The following IGF1R variants were observed in gnomAD, a reference collection of about 807,000 sequenced individuals.
The protein encoded by IGF1R is insulin-like growth factor 1 receptor.
Under a neutral mutation model 144.6 loss-of-function variants are expected in IGF1R, and 44 were observed. The observed-to-expected ratio is 0.30, with a 90% CI of 0.24 to 0.39. The LOEUF (loss-of-function observed/expected upper bound fraction) is 0.39. Among genes scored for constraint, IGF1R ranks in the 10% least tolerant of loss-of-function variants. The probability of loss-of-function intolerance (pLI) is 1.00; values close to 1 mark genes in which losing one functional copy is unlikely to be tolerated. For missense variants in IGF1R, 1,355 were observed against 1,833.7 expected, an observed-to-expected ratio of 0.74 and a Z score of 4.77; for synonymous variants, 795 against 722.8, an observed-to-expected ratio of 1.10 and a Z score of -1.60.
At chr15:98,745,430 G>A (rs1016074069) in intron 2 of IGF1R, among the ~76,000 whole-genome samples, 10 of 152,340 alleles carry the variant, frequency 6.6e-5, no homozygotes, top group South Asian at 6.2e-4. Flanking sequence ...ACAGAAAGCC[G>A]GTGGCCCAGT....
At chr15:98,897,048 CTTCT>C in intron 4 of IGF1R, 143 bp downstream of exon 4, 1 of 739,128 alleles carries the variant, frequency 1.4e-6, no homozygotes, top group East Asian at 2.7e-5. Context: ...CATGACGTCT[CTTCT>C]TTGAGTTTCC....
rs1555436616 is a variant in IGF1R, at chr15:98,728,014, T to TTTG, written c.640+19909_640+19910insGTT. 6.6e-4 allele frequency among the ~76,000 whole-genome samples: 99 copies of TTTG among 148,908 alleles called. 1 individual carries two copies. The highest frequency in any genetic ancestry group is 3.9e-3 in the Admixed American group (58 of 15,052). ...ACTCACTGAAGATGCATTGTTTTTTTTTTTTTTTTTTTTTTAAGCGAGCAG... is the reference window on the plus strand; with the variant it reads ...ACTCACTGAAGATGCATTGTTTTTTTTTGTTTTTTTTTTTTTTTAAGCGAGCAG... On this transcript the variant is annotated intron_variant, in intron 2 of 20. Transcript: ENST00000650285.
At chr15:98,936,059 C>T (rs1053665272) in intron 17 of IGF1R, among the ~76,000 whole-genome samples, 10 of 152,198 alleles carry the variant, frequency 6.6e-5, no homozygotes, top group Non-Finnish European at 7.3e-5. Flanking sequence ...AAGATGTGCA[C>T]TCATTCATAA....
intron 2 of IGF1R, among the ~76,000 whole-genome samples, chr15:98,832,280 G>C (rs2057015906): frequency 6.6e-6 from 1 of 152,178 alleles, no homozygotes; most frequent in Non-Finnish European, 1.5e-5. Context: ...GTTAAGAGGT[G>C]TCTTAAAACA....
At chr15:98,889,471 C>A (rs2013802495) in intron 2 of IGF1R, among the ~76,000 whole-genome samples, 1 of 152,198 alleles carries the variant, frequency 6.6e-6, no homozygotes, top group South Asian at 2.1e-4. Flanking sequence ...ATGAAGATTG[C>A]TTTGCCGATT....
rs112288135 is a variant in IGF1R, at chr15:98,870,886, C to G, written c.641-20439C>G. ...GATGGAGCAAGAGTGAAGGAATGTT[C>G]CCATGGCACTGGCACCAGGATGACT... On this transcript the variant is annotated intron_variant, in intron 2 of 20. Coordinates refer to ENST00000650285, the MANE Select transcript of IGF1R (RefSeq NM_000875.5). Among the ~76,000 whole-genome samples, 467 of 152,322 alleles carry G rather than the reference C, an allele frequency of 3.1e-3. 5 individuals are homozygous for G. The highest frequency in any genetic ancestry group is 0.011 in the African/African-American group (455 of 41,582).
chr15:98,653,396 T>A (rs2052415667), intron 1 of IGF1R, among the ~76,000 whole-genome samples: 1 of 152,248 alleles, frequency 6.6e-6, no homozygotes. Flanking sequence ...CATTTTTTGA[T>A]ATGCCACATT....
chr15:98,696,364 C>A (rs763748624), intron 1 of IGF1R, among the ~76,000 whole-genome samples: 2 of 152,186 alleles, frequency 1.3e-5, no homozygotes, highest in African/African-American at 4.8e-5. Flanking sequence ...CCACTAGAGA[C>A]CTTCCTTGGT....
chr15:98,956,972 T>G, intron 20 of IGF1R, 89 bp from the exon 21 acceptor site: 1 of 1,416,278 alleles, frequency 7.1e-7, no homozygotes, highest in Non-Finnish European at 9.9e-7. Context: ...TACGCTTGTA[T>G]GCGGGAAACC....
chr15:98,882,624 C>G (rs553373247), intron 2 of IGF1R, among the ~76,000 whole-genome samples: 19 of 152,242 alleles, frequency 1.2e-4, no homozygotes, highest in African/African-American at 4.6e-4. Context: ...GTCCTGCAAC[C>G]CAGTGTCACC....
chr15:98,853,412 A>AG (rs2011624405), intron 2 of IGF1R, among the ~76,000 whole-genome samples: 1 of 152,186 alleles, frequency 6.6e-6, no homozygotes, highest in Non-Finnish European at 1.5e-5. Flanking sequence ...CCAGTGTCTG[A>AG]GGCTTCTCTG....
At chr15:98,703,650 C>G (rs1359752743) in intron 1 of IGF1R, among the ~76,000 whole-genome samples, 1 of 152,190 alleles carries the variant, frequency 6.6e-6, no homozygotes, top group Non-Finnish European at 1.5e-5. Flanking sequence ...GGAGACTGCT[C>G]TTTCATTTGA....
chr15:98,710,736 G>A (rs8031839), intron 2 of IGF1R, among the ~76,000 whole-genome samples: 75,895 of 149,236 alleles, frequency 0.51, 20,356 homozygotes, highest in Non-Finnish European at 0.59. Context: ...GCGCGATCTC[G>A]GCTCACTGCA....
rs918321897 is a variant in IGF1R at position 98,959,903 on chromosome 15, T to G, written c.*2461T>G. 8 of 233,198 alleles carry G rather than the reference T, an allele frequency of 3.4e-5. No homozygotes were observed. Among genetic ancestry groups the G allele is most frequent in the Non-Finnish European group, 6.8e-5 (8 of 118,070 alleles). 14.4% of individuals were successfully genotyped at this position (233,198 alleles called of 1,614,324 possible). On this transcript the variant is annotated 3_prime_UTR_variant, in exon 21 of 21. Transcript: ENST00000650285. Reference sequence around the variant, plus strand: ...TGTAGGAGTTTTCTTTTAATTTATTTTGTGATAAATTACCAGTTTCAATCA... The same window carrying G: ...TGTAGGAGTTTTCTTTTAATTTATTGTGTGATAAATTACCAGTTTCAATCA...
chr15:98,713,489 G>T (rs2054044671), intron 2 of IGF1R, among the ~76,000 whole-genome samples: 1 of 152,148 alleles, frequency 6.6e-6, no homozygotes, highest in South Asian at 2.1e-4. Flanking sequence ...CACTATGGCG[G>T]GTAGCTCTTT....
intron 2 of IGF1R, among the ~76,000 whole-genome samples, chr15:98,850,170 C>T (rs2011480189): frequency 6.6e-6 from 1 of 152,188 alleles, no homozygotes; most frequent in Non-Finnish European, 1.5e-5. Context: ...TGATAGCTCC[C>T]AAGCTTATTT....
At chr15:98,913,736 A>T (rs530398448) in intron 8 of IGF1R, among the ~76,000 whole-genome samples, 1 of 152,316 alleles carries the variant, frequency 6.6e-6, no homozygotes, top group African/African-American at 2.4e-5. Flanking sequence ...AAGCCTGCAG[A>T]TGTAGTATGT....
At chr15:98,748,953 G>T (rs566498761) in intron 2 of IGF1R, among the ~76,000 whole-genome samples, 19 of 152,280 alleles carry the variant, frequency 1.2e-4, no homozygotes, top group African/African-American at 4.6e-4. Flanking sequence ...CATATTGCAC[G>T]TGGAATATCT....
intron 2 of IGF1R, among the ~76,000 whole-genome samples, chr15:98,881,191 G>C (rs1210924227): frequency 2.0e-5 from 3 of 152,188 alleles, no homozygotes; most frequent in Non-Finnish European, 4.4e-5. Flanking sequence ...CAGTCTAAGT[G>C]ATACACCTCT....
Sources: gnomAD v4.1 joint callset for allele counts (sites outside exome capture counted in the v4.1 genomes callset) on GRCh38, gnomAD v4.1.1 for gene constraint, MANE v1.5 for transcripts, NCBI Gene and HGNC (gene_info 2026-07-23, HGNC 2026-07-21) for gene names.